FGF13: variants seen among roughly 807,000 people sequenced by gnomAD.
FGF13 encodes fibroblast growth factor 13.
Under a neutral mutation model 19.5 loss-of-function variants are expected in FGF13, and 2 were observed. The observed-to-expected ratio is 0.10, with a 90% confidence interval of 0.04 to 0.32. FGF13 has a LOEUF of 0.32. FGF13 is among the 10% of genes least tolerant of loss of function. The probability of loss-of-function intolerance (pLI) is 1.00; values close to 1 mark genes in which losing one functional copy is unlikely to be tolerated. For missense variants in FGF13, 113 were observed against 192.7 expected, an observed-to-expected ratio of 0.59 and a Z score of 2.45; for synonymous variants, 72 against 76.9, an observed-to-expected ratio of 0.94 and a Z score of 0.33.
chrX:138,867,546 A>T, intron 1 of FGF13, among the ~76,000 whole-genome samples: 1 of 111,111 alleles, frequency 9.0e-6, no homozygotes, highest in East Asian at 2.9e-4. Context: ...AGCAAATCAC[A>T]TGTTACATGG....
chrX:138,692,401 T>C (rs180934851), intron 3 of FGF13, among the ~76,000 whole-genome samples: 1,574 of 108,140 alleles, frequency 0.015, 23 homozygotes, highest in African/African-American at 0.05. Flanking sequence ...TTTTTTTTTT[T>C]TCTATCATGT....
At chrX:139,158,209 G>A (rs773866625) in intron 1 of FGF13, among the ~76,000 whole-genome samples, 3 of 86,075 alleles carry the variant, frequency 3.5e-5, no homozygotes, top group Admixed American at 2.2e-4. Flanking sequence ...GCTAGCTGCA[G>A]CATTTTTTTT....
chrX:138,742,955 T>C (rs2090329751), upstream of FGF13, among the ~76,000 whole-genome samples: 1 of 111,749 alleles, frequency 8.9e-6, no homozygotes, highest in African/African-American at 3.3e-5. Flanking sequence ...GGGCCTCTTG[T>C]ATGCACTGAT....
chrX:138,630,067 A>G lies in FGF13; in HGVS notation c.*2783T>C, dbSNP rs2089101142. 1 of 110,796 alleles carries G rather than the reference A, an allele frequency of 9.0e-6. No homozygotes were observed. The highest frequency in any genetic ancestry group is 3.9e-4 in the South Asian group (1 of 2,596). 9.1% of individuals were successfully genotyped at this position (110,796 alleles called of 1,213,427 possible). A position where few individuals can be genotyped will look rare whatever the true frequency, so the allele number is the denominator to read the frequency against. On this transcript the variant is annotated 3_prime_UTR_variant, in exon 5 of 5. Coordinates refer to ENST00000315930, the MANE Select transcript of FGF13 (RefSeq NM_004114.5). ...TGTGTGTGTGTAATGAAGATGTGTGAAAGTATTGATATCATCACTTGTAGG... is the reference window on the plus strand; with the variant it reads ...TGTGTGTGTGTAATGAAGATGTGTGGAAGTATTGATATCATCACTTGTAGG...
chrX:138,981,925 G>C (rs1316078154), intron 1 of FGF13, among the ~76,000 whole-genome samples: 1 of 111,213 alleles, frequency 9.0e-6, no homozygotes, highest in Non-Finnish European at 1.9e-5. Context: ...GGATCACACT[G>C]GACATCTGAT....
intron 3 of FGF13, among the ~76,000 whole-genome samples, chrX:138,653,169 G>C (rs903031370): frequency 9.0e-6 from 1 of 111,382 alleles, no homozygotes; most frequent in Admixed American, 9.6e-5. Context: ...AGCACATACC[G>C]TACAGATGGG....
At chrX:139,059,349 C>T (rs1324304441) in intron 1 of FGF13, among the ~76,000 whole-genome samples, 2 of 109,960 alleles carry the variant, frequency 1.8e-5, no homozygotes, top group Non-Finnish European at 3.8e-5. Context: ...GACAGTATAC[C>T]TGAGTCACTG....
chrX:138,924,245 T>C (rs1263121883), intron 1 of FGF13, among the ~76,000 whole-genome samples: 3 of 111,830 alleles, frequency 2.7e-5, no homozygotes, highest in African/African-American at 9.8e-5. Context: ...TTGAACAATA[T>C]CAGCAGCACT....
intron 3 of FGF13, among the ~76,000 whole-genome samples, chrX:138,828,295 C>T (rs1015061824): frequency 0.14 from 11 of 79 alleles, no homozygotes; most frequent in African/African-American, 0.22. Context: ...AAGGGCCGGG[C>T]GCGGTGGTCA....
upstream of FGF13, among the ~76,000 whole-genome samples, chrX:138,713,185 G>A (rs1160493727): frequency 8.9e-6 from 1 of 112,399 alleles, no homozygotes; most frequent in Non-Finnish European, 1.9e-5. Flanking sequence ...TGAAAAGGGA[G>A]GACAAGGTAG....
chrX:139,112,198 C>G (rs950399344), intron 1 of FGF13, among the ~76,000 whole-genome samples: 1 of 111,679 alleles, frequency 9.0e-6, no homozygotes, highest in African/African-American at 3.3e-5. Context: ...GGGCAAGTCT[C>G]TCAATCTTTC....
chrX:139,184,201 G>A, intron 1 of FGF13, among the ~76,000 whole-genome samples: 1 of 112,023 alleles, frequency 8.9e-6, no homozygotes, highest in Non-Finnish European at 1.9e-5. Flanking sequence ...AAATTTCAGA[G>A]AGTACAATTT....
At chrX:139,082,607 T>C (rs925188450) in intron 1 of FGF13, among the ~76,000 whole-genome samples, 15 of 110,556 alleles carry the variant, frequency 1.4e-4, no homozygotes, top group Admixed American at 1.3e-3. Flanking sequence ...TGAAAAAACA[T>C]AAAGGATTAC....
chrX:138,632,874 G>A lies in FGF13; in HGVS notation c.714C>T (p.Ser238=). The change falls in exon 5 of 5, where the codon TCC becomes TCT. Residue 238 remains serine, a synonymous_variant. Transcript: ENST00000315930. The stretch of plus-strand genomic sequence containing the variant: ...GCTACGTTGATTCATTGTGGCTCAT[G>A]GATTTGCCTCCGTTCAGCACGCCAG... ...SVSGVLNGGK[S]MSHNEST 8 of 1,209,432 alleles carry A rather than the reference G, an allele frequency of 6.6e-6. No individual in the cohort carries two copies. The highest frequency in any genetic ancestry group is 8.9e-6 in the Non-Finnish European group (8 of 894,275).
chrX:138,756,228 C>T (rs1364840717), intron 3 of FGF13, among the ~76,000 whole-genome samples: 3 of 112,544 alleles, frequency 2.7e-5, no homozygotes, highest in African/African-American at 9.7e-5. Context: ...CAGATGAAAA[C>T]CTTTGCTACA....
chrX:138,983,859 A>G (rs1421987903), intron 1 of FGF13, among the ~76,000 whole-genome samples: 1 of 104,212 alleles, frequency 9.6e-6, no homozygotes, highest in Non-Finnish European at 2.0e-5. Context: ...CGACTGGTAT[A>G]AAGTTTCAGT....
rs773129520 is a variant in FGF13, at chrX:138,816,897, T to G, written c.217+40615A>C. 2.7e-5 allele frequency among the ~76,000 whole-genome samples: 3 copies of G among 112,360 alleles called. No homozygotes were observed. In the South Asian group the frequency reaches 1.1e-3, roughly 42 times the overall value. On this transcript the variant is annotated intron_variant, in intron 3 of 6. Transcript: ENST00000436198. ...TCCCTGCTCTAAGGAGACCTTCATC[T>G]GCTTATTAGGAGAGCATTCAGGACC... is the stretch of plus-strand genomic sequence containing the variant.
Position 138,799,461 on chromosome X carries a change from A to AGG in FGF13, c.217+58050_217+58051insCC, listed in dbSNP as rs1321822383. Among the ~76,000 whole-genome samples, 4 of 111,721 alleles carry AGG rather than the reference A, an allele frequency of 3.6e-5. No homozygotes were observed. The East Asian group carries it at 1.1e-3, about 31-fold the overall frequency. ...GATTTCCATTCTTTTGCATTTGCTG[A>AGG]ACCGTGTTTTATTTCCAATTATGTG... is the stretch of plus-strand genomic sequence containing the variant. On this transcript the variant is annotated intron_variant, in intron 3 of 6. Transcript: ENST00000436198.
intron 2 of FGF13, among the ~76,000 whole-genome samples, chrX:138,860,666 T>C (rs2091283791): frequency 8.9e-6 from 1 of 111,933 alleles, no homozygotes; most frequent in South Asian, 3.7e-4. Flanking sequence ...AGTGATTAGG[T>C]AGACATTAGA....
Sources: allele counts gnomAD v4.1 joint callset (sites outside exome capture counted in the v4.1 genomes callset), GRCh38; gene constraint gnomAD v4.1.1; transcripts MANE v1.5; gene names NCBI Gene and HGNC (gene_info 2026-07-23, HGNC 2026-07-21).